Variants in LRRC34 observed in about 807,000 individuals in gnomAD.
The protein encoded by LRRC34 is leucine rich repeat containing 34.
A neutral mutation model predicts 48.5 loss-of-function variants in LRRC34; 44 were observed. That is an observed-to-expected ratio of 0.91 (90% confidence interval 0.71 to 1.17). LRRC34 has a LOEUF of 1.17. Ranked by LOEUF, LRRC34 falls within the 50% of genes most tolerant of loss-of-function variation. LRRC34 has a pLI of 0.00. For synonymous variants in LRRC34, 192 were observed against 197.6 expected (o/e 0.97, Z 0.24); for missense variants, 502 against 563.0 (o/e 0.89, Z 1.10).
At chr3:169,804,220 C>T in intron 5 of LRRC34, 39 bp from the exon 6 acceptor site, 1 of 1,505,204 alleles carries the variant, frequency 6.6e-7, no homozygotes, top group Non-Finnish European at 9.0e-7. Context: ...ATTGTTAATC[C>T]ACAGAATTCT....
intron 7 of LRRC34, among the ~76,000 whole-genome samples, chr3:169,800,122 C>T (rs1035524329): frequency 2.0e-5 from 3 of 152,164 alleles, no homozygotes; most frequent in South Asian, 2.1e-4. Flanking sequence ...AGTTCTTATT[C>T]TCTAGCTGTT....
At chr3:169,808,149 C>T (rs1576747767) in intron 2 of LRRC34, 1 of 156,892 alleles carries the variant, frequency 6.4e-6, no homozygotes, top group East Asian at 1.9e-4. Flanking sequence ...CCTGTCTCTA[C>T]TAAAAAATAC....
chr3:169,801,403 C>G (rs1035216139), intron 6 of LRRC34, among the ~76,000 whole-genome samples: 7 of 152,184 alleles, frequency 4.6e-5, no homozygotes, highest in African/African-American at 1.4e-4. Flanking sequence ...GGCCACCACC[C>G]CAGCCCAAGT....
At position 169,804,217 on chromosome 3, in the gene LRRC34, A is replaced by C. The variant is rs1347892673; in HGVS notation, c.529-36T>G. Reference sequence around the variant, plus strand: ...AAAAAAACTTATTTAATAATTGTTAATCCACAGAATTCTATATATTACATG... The same window carrying C: ...AAAAAAACTTATTTAATAATTGTTACTCCACAGAATTCTATATATTACATG... On this transcript the variant is annotated intron_variant, in intron 5 of 10. Coordinates refer to ENST00000446859, the MANE Select transcript of LRRC34 (RefSeq NM_001172779.2). 6 of 1,512,628 alleles carry C rather than the reference A, an allele frequency of 4.0e-6. No homozygotes were observed. In the African/African-American group the frequency reaches 7.0e-5, roughly 18 times the overall value. 93.7% of individuals were successfully genotyped at this position (1,512,628 alleles called of 1,614,324 possible).
At chr3:169,796,457 T>G in intron 8 of LRRC34, 88 bp from the exon 9 acceptor site, 1 of 1,409,672 alleles carries the variant, frequency 7.1e-7, no homozygotes, top group Non-Finnish European at 9.6e-7. Flanking sequence ...AAACAGTACT[T>G]TCTGTTTTAG....
intron 8 of LRRC34, 112 bp downstream of exon 8, chr3:169,796,632 GT>G (rs1778998933): frequency 1.7e-6 from 2 of 1,168,930 alleles, no homozygotes; most frequent in African/African-American, 3.2e-5. Context: ...ATTGGTTGCA[GT>G]TTCTAATCAT....
At position 169,795,956 on chromosome 3, in the gene LRRC34, A is replaced by G. The variant is rs1035906449; in HGVS notation, c.1064+258T>C. ...CATATTGAATGCTTCTGAGTTTTCTATTAGAATTCAGGATAAGTAATATAA... is the reference window on the plus strand; with the variant it reads ...CATATTGAATGCTTCTGAGTTTTCTGTTAGAATTCAGGATAAGTAATATAA... On this transcript the variant is annotated intron_variant, in intron 9 of 10. Transcript: ENST00000446859. The G allele has an allele frequency of 5.9e-6, 7 of 1,193,296 alleles. No individual in the cohort carries two copies. The East Asian group carries it at 1.9e-4, about 33-fold the overall frequency. The allele number at this position is 1,193,296 out of a possible 1,614,324, so 73.9% of individuals were successfully genotyped here.
intron 1 of LRRC34, among the ~76,000 whole-genome samples, chr3:169,809,850 A>G (rs1310498359): frequency 1.3e-5 from 2 of 152,196 alleles, no homozygotes; most frequent in African/African-American, 4.8e-5. Flanking sequence ...GAGATTTAAC[A>G]TGAGGAACAT....
At chr3:169,810,910 C>T (rs1352047367) in intron 1 of LRRC34, among the ~76,000 whole-genome samples, 1 of 152,140 alleles carries the variant, frequency 6.6e-6, no homozygotes, top group African/African-American at 2.4e-5. Flanking sequence ...ACCAAAAATA[C>T]AAAAATTAGC....
chr3:169,810,506 C>T (rs1481782393), intron 1 of LRRC34, among the ~76,000 whole-genome samples: 2 of 151,292 alleles, frequency 1.3e-5, no homozygotes, highest in South Asian at 2.1e-4. Flanking sequence ...GATAGATGTA[C>T]GTATTAAAAA....
At chr3:169,799,324 A>G (rs773865790) in intron 7 of LRRC34, among the ~76,000 whole-genome samples, 1 of 152,224 alleles carries the variant, frequency 6.6e-6, no homozygotes. Context: ...GAAGTAGATA[A>G]TTTTAAATTA....
chr3:169,807,515 G>C, intron 3 of LRRC34, 25 bp from the exon 4 acceptor site: 1 of 1,611,286 alleles, frequency 6.2e-7, no homozygotes, highest in Non-Finnish European at 8.5e-7. Context: ...AATAGAAGTG[G>C]ATATTCATTA....
intron 7 of LRRC34, among the ~76,000 whole-genome samples, chr3:169,797,923 C>G (rs2108226585): frequency 6.6e-6 from 1 of 152,252 alleles, no homozygotes; most frequent in Non-Finnish European, 1.5e-5. Context: ...ATAAAAGGTA[C>G]CTAGCACAAA....
intron 5 of LRRC34, among the ~76,000 whole-genome samples, chr3:169,806,051 C>G (rs1160344030): frequency 2.6e-5 from 4 of 152,058 alleles, no homozygotes; most frequent in African/African-American, 9.7e-5. Context: ...CTATAGTAAT[C>G]AAGATAGTGT....
At chr3:169,799,832 C>G (rs1205421336) in intron 7 of LRRC34, among the ~76,000 whole-genome samples, 1 of 152,114 alleles carries the variant, frequency 6.6e-6, no homozygotes, top group South Asian at 2.1e-4. Flanking sequence ...CCTGCCTCAG[C>G]CTCCCAAGTA....
chr3:169,808,764 C>T lies in LRRC34; in HGVS notation c.140-19G>A. On this transcript the variant is annotated intron_variant, in intron 1 of 10. Transcript: ENST00000446859. ...GGAGATTCTGAAAAATATATGCATC[C>T]TCTATCACATATAAATTATTCTAGA... The T allele has an allele frequency of 1.6e-6, 2 of 1,229,776 alleles. No homozygotes were observed. The highest frequency in any genetic ancestry group is 2.0e-4 in the Middle Eastern group (1 of 4,972). The allele number at this position is 1,229,776 out of a possible 1,614,324, so 76.2% of individuals were successfully genotyped here. A position where few individuals can be genotyped will look rare whatever the true frequency, so the allele number is the denominator to read the frequency against.
At position 169,812,301 on chromosome 3, in the gene LRRC34, C is replaced by A. The variant is rs1779614281; in HGVS notation, c.139+109G>T. ...GTTCCCAGGGGCCCCCCTCCCGCCTCGACGCCTTGGGCTGGCGGGCTGCTG... is the reference window on the plus strand; with the variant it reads ...GTTCCCAGGGGCCCCCCTCCCGCCTAGACGCCTTGGGCTGGCGGGCTGCTG... On this transcript the variant is annotated intron_variant, in intron 1 of 10. Coordinates refer to ENST00000446859, the MANE Select transcript of LRRC34 (RefSeq NM_001172779.2). The surrounding 1 kb of genome is among the most constrained non-coding windows in gnomAD (Gnocchi z 4.3). 4 of 1,368,408 alleles carry A rather than the reference C, an allele frequency of 2.9e-6. No individual in the cohort carries two copies. In the East Asian group the frequency reaches 1.2e-4, roughly 40 times the overall value. 84.8% of individuals were successfully genotyped at this position (1,368,408 alleles called of 1,614,324 possible).
chr3:169,804,887 G>A (rs997881849), intron 5 of LRRC34, among the ~76,000 whole-genome samples: 3 of 152,184 alleles, frequency 2.0e-5, no homozygotes, highest in South Asian at 2.1e-4. Context: ...GTCATCACCT[G>A]TAGCTAGTTC....
At chr3:169,811,721 A>G (rs1260445495) in intron 1 of LRRC34, among the ~76,000 whole-genome samples, 4 of 152,212 alleles carry the variant, frequency 2.6e-5, no homozygotes, top group African/African-American at 9.7e-5. Flanking sequence ...ATGAGTCAGA[A>G]CGTGGGTGCC....
Sources: allele counts gnomAD v4.1 joint callset (sites outside exome capture counted in the v4.1 genomes callset), GRCh38; gene constraint gnomAD v4.1.1; non-coding constraint Gnocchi (gnomAD v3.1); transcripts MANE v1.5; gene names NCBI Gene and HGNC (gene_info 2026-07-23, HGNC 2026-07-21).